Variants in PHEX observed in about 807,000 individuals in gnomAD.
The protein encoded by PHEX is phosphate-regulating neutral endopeptidase PHEX.
PHEX carries 16 observed loss-of-function variants against 68.0 expected under a neutral mutation model. That is an observed-to-expected ratio of 0.24 (90% CI 0.16 to 0.36). The LOEUF (loss-of-function observed/expected upper bound fraction) is 0.36. PHEX is among the 10% of genes least tolerant of loss of function. The probability of loss-of-function intolerance (pLI) is 1.00; values close to 1 mark genes in which losing one functional copy is unlikely to be tolerated. For missense variants in PHEX, 480 were observed against 575.5 expected, an observed-to-expected ratio of 0.83 and a Z score of 1.70; for synonymous variants, 208 against 205.1, an observed-to-expected ratio of 1.01 and a Z score of -0.12.
intron 11 of PHEX, among the ~76,000 whole-genome samples, chrX:22,129,414 A>G (rs1931885122): frequency 8.9e-6 from 1 of 112,067 alleles, no homozygotes; most frequent in African/African-American, 3.2e-5. Context: ...CAGGATGCAC[A>G]TAGCCATGTG....
rs1399376039 is a variant in PHEX, at chrX:22,241,939, G to C, written c.2071-3394G>C. Reference sequence around the variant, plus strand: ...CTAACTCATTTTATGAGGCCAGCGTGATCCTGATACCAAAACCTGGCAGAG... The same window carrying C: ...CTAACTCATTTTATGAGGCCAGCGTCATCCTGATACCAAAACCTGGCAGAG... On this transcript the variant is annotated intron_variant, in intron 20 of 21. Transcript: ENST00000379374. 6.3e-5 allele frequency among the ~76,000 whole-genome samples: 7 copies of C among 111,922 alleles called. No individual in the cohort carries two copies. The South Asian group carries it at 1.1e-3, about 18-fold the overall frequency.
chrX:22,178,665 G>C (rs1474978282), intron 14 of PHEX, among the ~76,000 whole-genome samples: 1 of 112,002 alleles, frequency 8.9e-6, no homozygotes, highest in Non-Finnish European at 1.9e-5. Context: ...AATATATAGA[G>C]AGGGAATAAT....
At chrX:22,106,242 A>G (rs1930679743) in intron 9 of PHEX, among the ~76,000 whole-genome samples, 1 of 111,684 alleles carries the variant, frequency 9.0e-6, no homozygotes, top group South Asian at 3.7e-4. Flanking sequence ...GCTCCATAGC[A>G]TTCTGTCAGT....
intron 15 of PHEX, among the ~76,000 whole-genome samples, chrX:22,190,889 G>A (rs896096371): frequency 1.6e-4 from 18 of 111,606 alleles, no homozygotes; most frequent in Middle Eastern, 9.3e-3. Flanking sequence ...GAACCTGAGC[G>A]GACCATCTGT....
At chrX:22,109,484 C>A (rs1930858230) in intron 9 of PHEX, among the ~76,000 whole-genome samples, 1 of 111,928 alleles carries the variant, frequency 8.9e-6, no homozygotes, top group South Asian at 3.7e-4. Context: ...AATTAAACAT[C>A]CATGTATTGG....
chrX:22,227,452 G>A (rs1251492267), intron 19 of PHEX, 55 bp from the exon 20 acceptor site: 3 of 813,339 alleles, frequency 3.7e-6, no homozygotes, highest in Non-Finnish European at 5.6e-6. Context: ...TGCTAGCTGA[G>A]CAAAGAGAAA....
chrX:22,086,780 A>ATT (rs772256159), intron 5 of PHEX, among the ~76,000 whole-genome samples: 12 of 111,856 alleles, frequency 1.1e-4, no homozygotes, highest in Middle Eastern at 9.3e-3. Flanking sequence ...TTCTTCTTGT[A>ATT]TTACTACTTT....
chrX:22,050,348 C>T (rs956522111), intron 3 of PHEX, among the ~76,000 whole-genome samples: 4 of 111,186 alleles, frequency 3.6e-5, no homozygotes, highest in East Asian at 2.8e-4. Context: ...AAGAACAAGG[C>T]GGGTGGATCA....
At chrX:22,196,270 G>A (rs1934364310) in intron 15 of PHEX, among the ~76,000 whole-genome samples, 1 of 112,338 alleles carries the variant, frequency 8.9e-6, no homozygotes, top group Admixed American at 9.4e-5. Context: ...AAAAATGTTT[G>A]GAACAGCGTA....
At chrX:22,108,992 T>C (rs1435474777) in intron 9 of PHEX, among the ~76,000 whole-genome samples, 1 of 111,258 alleles carries the variant, frequency 9.0e-6, no homozygotes, top group Non-Finnish European at 1.9e-5. Flanking sequence ...TGTGGATTTA[T>C]GAATTTTATT....
intron 9 of PHEX, among the ~76,000 whole-genome samples, chrX:22,111,117 G>A (rs1267232127): frequency 8.9e-6 from 1 of 112,213 alleles, no homozygotes; most frequent in East Asian, 2.8e-4. Flanking sequence ...ATGAAATGAT[G>A]TTATTCGAGG....
intron 20 of PHEX, among the ~76,000 whole-genome samples, chrX:22,228,767 G>A (rs753768815): frequency 2.7e-5 from 3 of 110,920 alleles, no homozygotes; most frequent in Non-Finnish European, 3.8e-5. Flanking sequence ...TGGGGTACAC[G>A]TGCAGAACGT....
At chrX:22,189,432 A>C (rs190840978) in intron 14 of PHEX, among the ~76,000 whole-genome samples, 5 of 111,780 alleles carry the variant, frequency 4.5e-5, no homozygotes, top group Non-Finnish European at 9.4e-5. Context: ...ATTAATAGGC[A>C]TATATTAGAA....
intron 11 of PHEX, among the ~76,000 whole-genome samples, chrX:22,127,770 A>G (rs370942419): frequency 1.8e-5 from 2 of 109,459 alleles, no homozygotes; most frequent in East Asian, 5.7e-4. Context: ...AGAGAAGACA[A>G]GGGCAAAGAG....
intron 3 of PHEX, among the ~76,000 whole-genome samples, chrX:22,070,932 A>T (rs1382380221): frequency 8.9e-6 from 1 of 112,185 alleles, no homozygotes; most frequent in African/African-American, 3.2e-5. Context: ...GGAGTTTTTG[A>T]AAAATGTTTT....
intron 11 of PHEX, among the ~76,000 whole-genome samples, chrX:22,123,138 G>A (rs1023194612): frequency 1.1e-4 from 12 of 108,731 alleles, no homozygotes; most frequent in African/African-American, 3.7e-4. Flanking sequence ...ACAGGTGTGC[G>A]CCATGATGCC....
chrX:22,180,482 T>TA (rs200002791), intron 14 of PHEX, among the ~76,000 whole-genome samples: 6,809 of 107,832 alleles, frequency 0.063, 507 homozygotes, highest in East Asian at 0.24. Context: ...ATTCAAAAAT[T>TA]AAAAAAAAAA....
In PHEX at chrX:22,234,934, A is replaced by ACCCAGAGC. The variant is rs748331651; in HGVS notation, c.2070+7326_2070+7333dup. Among the ~76,000 whole-genome samples, 454 of 112,049 alleles carry ACCCAGAGC rather than the reference A, an allele frequency of 4.1e-3. 9 individuals carry two copies. Among genetic ancestry groups the ACCCAGAGC allele is most frequent in the Admixed American group, 0.039 (410 of 10,602 alleles). On this transcript the variant is annotated intron_variant, in intron 20 of 21. Transcript: ENST00000379374. The stretch of plus-strand genomic sequence containing the variant: ...ATGGCCACCCAGTTTTGTGCTGGAA[A>ACCCAGAGC]CCCAGAGCCCTGGTGGGGTAGGCAC...
Position 22,047,052 on chromosome X carries a change from G to C in PHEX, c.190G>C (p.Ala64Pro). The change falls in exon 3 of 22, where the codon GCT becomes CCT. Residue 64 changes from alanine to proline, a missense_variant and splice_region_variant. By Grantham distance (27) the Ala-to-Pro change is conservative. Coordinates refer to ENST00000379374, the MANE Select transcript of PHEX (RefSeq NM_000444.6). ...CCTATGATTTTCTTTCTAAATAGCT[G>C]CTGCCATCTTAAGTAAAGTAAATCT... is the stretch of plus-strand genomic sequence containing the variant. ...CLKPECIEAA[A>P]AILSKVNLSV... 8.3e-7 allele frequency: 1 copy of C among 1,205,460 alleles called. No homozygotes were observed. The highest frequency in any genetic ancestry group is 1.1e-6 in the Non-Finnish European group (1 of 889,721).
Sources: allele counts gnomAD v4.1 joint callset (sites outside exome capture counted in the v4.1 genomes callset), GRCh38; gene constraint gnomAD v4.1.1; transcripts MANE v1.5; gene names NCBI Gene and HGNC (gene_info 2026-07-23, HGNC 2026-07-21).